The following KSR2 variants were observed in gnomAD, a reference collection of about 807,000 sequenced individuals.
KSR2 encodes the protein kinase suppressor of ras 2.
Under a neutral mutation model 107.8 loss-of-function variants are expected in KSR2, and 25 were observed. That is an observed-to-expected ratio of 0.23 (90% CI 0.17 to 0.32). KSR2 has a LOEUF of 0.32. KSR2 is among the 10% of genes least tolerant of loss of function. KSR2 has a pLI of 1.00. For missense variants in KSR2, 887 were observed against 1,268.9 expected, an observed-to-expected ratio of 0.70 and a Z score of 4.57; for synonymous variants, 480 against 507.0, an observed-to-expected ratio of 0.95 and a Z score of 0.71.
At chr12:117,497,760 C>A (rs1873126979) in intron 14 of KSR2, among the ~76,000 whole-genome samples, 1 of 152,204 alleles carries the variant, frequency 6.6e-6, no homozygotes, top group African/African-American at 2.4e-5. Context: ...TGCTTTGTAA[C>A]CTCTGAGGTG....
intron 4 of KSR2, among the ~76,000 whole-genome samples, chr12:117,687,504 T>G (rs1251917333): frequency 6.6e-6 from 1 of 152,140 alleles, no homozygotes; most frequent in African/African-American, 2.4e-5. Context: ...GATCAAACAG[T>G]ATAGAGGGTG....
At chr12:117,919,131 T>G (rs553956502) in intron 1 of KSR2, among the ~76,000 whole-genome samples, 3 of 152,264 alleles carry the variant, frequency 2.0e-5, no homozygotes, top group East Asian at 3.9e-4. Flanking sequence ...CAGCAAAACC[T>G]CATTTCAAAA....
At chr12:117,714,886 G>T (rs528332259) in intron 4 of KSR2, among the ~76,000 whole-genome samples, 1 of 152,166 alleles carries the variant, frequency 6.6e-6, no homozygotes, top group Non-Finnish European at 1.5e-5. Context: ...AATCTCAGCA[G>T]TGCCAAGGTT....
chr12:117,567,980 A>G (rs1247108260), intron 7 of KSR2, among the ~76,000 whole-genome samples: 1 of 152,204 alleles, frequency 6.6e-6, no homozygotes, highest in African/African-American at 2.4e-5. Flanking sequence ...CCTCACTGCT[A>G]ACAACTCAGT....
chr12:117,545,072 A>G (rs1365690431), intron 9 of KSR2, among the ~76,000 whole-genome samples: 1 of 152,220 alleles, frequency 6.6e-6, no homozygotes, highest in African/African-American at 2.4e-5. Context: ...TTTTGTATCA[A>G]TTAATATAAC....
intron 5 of KSR2, among the ~76,000 whole-genome samples, chr12:117,653,333 C>T (rs754027566): frequency 6.6e-6 from 1 of 152,256 alleles, no homozygotes; most frequent in Non-Finnish European, 1.5e-5. Context: ...TTTCTCCATT[C>T]CTGTCCATAA....
intron 5 of KSR2, among the ~76,000 whole-genome samples, chr12:117,599,453 A>G (rs1488707399): frequency 1.3e-5 from 2 of 150,690 alleles, no homozygotes; most frequent in Non-Finnish European, 3.0e-5. Context: ...CTAGAAGATG[A>G]ATGATACTAA....
chr12:117,624,379 T>C (rs1422454646), intron 5 of KSR2, among the ~76,000 whole-genome samples: 3 of 152,234 alleles, frequency 2.0e-5, no homozygotes, highest in Non-Finnish European at 4.4e-5. Context: ...AAGTCTTTAA[T>C]CCATCTTGAA....
chr12:117,734,179 G>A (rs1887842258), intron 4 of KSR2, among the ~76,000 whole-genome samples: 1 of 151,886 alleles, frequency 6.6e-6, no homozygotes. Flanking sequence ...TACTCGGGAG[G>A]CTGAAGCAGG....
chr12:117,633,848 G>T (rs1206483945), intron 5 of KSR2, among the ~76,000 whole-genome samples: 1 of 152,182 alleles, frequency 6.6e-6, no homozygotes, highest in Non-Finnish European at 1.5e-5. Flanking sequence ...GAGACAAATT[G>T]GGGGTGGAAT....
chr12:117,821,049 G>C (rs965472750), intron 3 of KSR2, among the ~76,000 whole-genome samples: 1 of 152,166 alleles, frequency 6.6e-6, no homozygotes, highest in African/African-American at 2.4e-5. Flanking sequence ...GCAAATGACA[G>C]CCTATCTGAG....
chr12:117,695,770 G>A (rs185866776), intron 4 of KSR2, among the ~76,000 whole-genome samples: 13 of 151,862 alleles, frequency 8.6e-5, no homozygotes, highest in Middle Eastern at 3.5e-3. Flanking sequence ...CTGTTGGCAA[G>A]GGGATAACCC....
At chr12:117,518,453 ACAGT>A (rs967366686) in intron 14 of KSR2, among the ~76,000 whole-genome samples, 1 of 152,204 alleles carries the variant, frequency 6.6e-6, no homozygotes, top group Non-Finnish European at 1.5e-5. Context: ...TGGCAAACTG[ACAGT>A]CAGGATACCC....
intron 5 of KSR2, among the ~76,000 whole-genome samples, chr12:117,622,375 C>T (rs1882244945): frequency 1.3e-5 from 2 of 152,096 alleles, no homozygotes; most frequent in Non-Finnish European, 2.9e-5. Flanking sequence ...CTCAAAACAT[C>T]TGCAAAGCAA....
At chr12:117,574,082 C>T (rs1188796019) in intron 7 of KSR2, among the ~76,000 whole-genome samples, 1 of 152,022 alleles carries the variant, frequency 6.6e-6, no homozygotes, top group African/African-American at 2.4e-5. Context: ...AAACTGGGGT[C>T]CAAGGGCCAG....
At chr12:117,694,898 T>C (rs980830210) in intron 4 of KSR2, among the ~76,000 whole-genome samples, 1 of 136,924 alleles carries the variant, frequency 7.3e-6, no homozygotes, top group Non-Finnish European at 1.5e-5. Context: ...TGCCTCAAGC[T>C]GGAGTGCAAT....
chr12:117,578,367 G>T (rs1213407872), intron 7 of KSR2, among the ~76,000 whole-genome samples: 1 of 152,138 alleles, frequency 6.6e-6, no homozygotes, highest in African/African-American at 2.4e-5. Flanking sequence ...CCTGACGGGG[G>T]AGGATCACTT....
intron 7 of KSR2, among the ~76,000 whole-genome samples, chr12:117,566,093 ATTT>A (rs34703705): frequency 6.7e-5 from 10 of 150,232 alleles, no homozygotes; most frequent in African/African-American, 1.2e-4. Flanking sequence ...CCCAGTAGTT[ATTT>A]TTTTTTTTTG....
intron 1 of KSR2, among the ~76,000 whole-genome samples, chr12:117,861,553 T>C (rs530054030): frequency 6.6e-6 from 1 of 151,424 alleles, no homozygotes; most frequent in Non-Finnish European, 1.5e-5. Flanking sequence ...CACACCCGGC[T>C]AATTTTTTGT....
Sources: gnomAD v4.1 joint callset for allele counts (sites outside exome capture counted in the v4.1 genomes callset) on GRCh38, gnomAD v4.1.1 for gene constraint, MANE v1.5 for transcripts, NCBI Gene and HGNC (gene_info 2026-07-23, HGNC 2026-07-21) for gene names.